Variants in NRG1 observed in about 807,000 individuals in gnomAD.
The protein encoded by NRG1 is neuregulin 1.
NRG1 carries 18 observed loss-of-function variants against 63.8 expected under a neutral mutation model. The ratio of observed to expected loss-of-function variants is 0.28; its 90% CI spans 0.19 to 0.42. The LOEUF is 0.42. Ranked by LOEUF, NRG1 falls within the 10% of genes least tolerant of loss-of-function variation. The pLI is 1.00. For synonymous variants in NRG1, 302 were observed against 301.3 expected, an observed-to-expected ratio of 1.00 and a Z score of -0.02; for missense variants, 762 against 814.7, an observed-to-expected ratio of 0.94 and a Z score of 0.79.
intron 1 of NRG1, among the ~76,000 whole-genome samples, chr8:31,918,136 T>A (rs1051869661): frequency 6.6e-6 from 1 of 152,204 alleles, no homozygotes; most frequent in Non-Finnish European, 1.5e-5. Flanking sequence ...TATACAATCA[T>A]GTCATCTGCA....
intron 1 of NRG1, among the ~76,000 whole-genome samples, chr8:32,098,495 G>T (rs1366277314): frequency 6.6e-6 from 1 of 152,178 alleles, no homozygotes; most frequent in African/African-American, 2.4e-5. Flanking sequence ...CAGGTTTATT[G>T]TTAGTTCTTG....
chr8:32,502,513 C>T (rs1827986149), intron 1 of NRG1, among the ~76,000 whole-genome samples: 1 of 150,116 alleles, frequency 6.7e-6, no homozygotes, highest in South Asian at 2.1e-4. Flanking sequence ...CCAGCGTGGC[C>T]ACACAATGTA....
rs1363000130 is a variant in NRG1 at position 31,715,231 on chromosome 8, T to C, written c.37+75800T>C. On this transcript the variant is annotated intron_variant, in intron 1 of 10. Transcript: ENST00000519301. The stretch of plus-strand genomic sequence containing the variant: ...TTAGAGAATACAAACCTATAAAATA[T>C]GTAATATTAGAGGTGGAAACAAGAC... Among the ~76,000 whole-genome samples, 3 of 152,258 alleles carry C rather than the reference T, an allele frequency of 2.0e-5. No individual in the cohort carries two copies. The East Asian group carries it at 5.8e-4, about 29-fold the overall frequency.
intron 1 of NRG1, among the ~76,000 whole-genome samples, chr8:32,588,346 C>G (rs1329678632): frequency 6.6e-6 from 1 of 152,114 alleles, no homozygotes; most frequent in Non-Finnish European, 1.5e-5. Context: ...CTCATACCCT[C>G]AAATCAAATA....
At chr8:32,431,776 T>C (rs2129486796) in intron 1 of NRG1, among the ~76,000 whole-genome samples, 1 of 152,262 alleles carries the variant, frequency 6.6e-6, no homozygotes, top group Non-Finnish European at 1.5e-5. Context: ...CATTTTGTAA[T>C]TTTTTAATTT....
rs117098201 is a variant in NRG1, at chr8:31,988,058, A to G, written c.37+348627A>G. ...CACTGCCCCAAAGGACACTAACTGT[A>G]ATAGTACTTTGTCCTGACATTTAGG... is the stretch of plus-strand genomic sequence containing the variant. On this transcript the variant is annotated intron_variant, in intron 1 of 10. Coordinates refer to the NRG1 transcript ENST00000519301. Among the ~76,000 whole-genome samples the G allele has an allele frequency of 1.1e-3, 169 of 152,234 alleles. 3 individuals carry two copies. The East Asian group carries it at 0.025, about 22-fold the overall frequency.
chr8:31,984,787 G>T (rs1289503085), intron 1 of NRG1, among the ~76,000 whole-genome samples: 1 of 152,092 alleles, frequency 6.6e-6, no homozygotes, highest in Non-Finnish European at 1.5e-5. Flanking sequence ...CATTGCCCCT[G>T]TGTACCTTTG....
At chr8:31,668,808 T>A (rs910540334) in intron 1 of NRG1, among the ~76,000 whole-genome samples, 1 of 152,172 alleles carries the variant, frequency 6.6e-6, no homozygotes, top group Admixed American at 6.5e-5. Context: ...ATTGAAGGAG[T>A]TAATAAATGA....
At chr8:32,244,271 C>T (rs776231432) in intron 1 of NRG1, among the ~76,000 whole-genome samples, 44 of 152,012 alleles carry the variant, frequency 2.9e-4, no homozygotes, top group Non-Finnish European at 3.4e-4. Context: ...CAGATCATTC[C>T]TTAGGAGCGT....
intron 1 of NRG1, among the ~76,000 whole-genome samples, chr8:32,499,688 A>T (rs1441653353): frequency 1.3e-5 from 2 of 152,100 alleles, no homozygotes; most frequent in Admixed American, 6.6e-5. Flanking sequence ...ATAAATAAAT[A>T]AATAAATAAA....
chr8:32,308,475 T>C (rs913963590), intron 1 of NRG1, among the ~76,000 whole-genome samples: 3 of 152,242 alleles, frequency 2.0e-5, no homozygotes, highest in African/African-American at 7.2e-5. Context: ...CTCATTGTTA[T>C]GTCTTTGTAG....
chr8:31,809,336 A>C (rs1289326310), intron 1 of NRG1, among the ~76,000 whole-genome samples: 3 of 81,504 alleles, frequency 3.7e-5, no homozygotes, highest in Admixed American at 1.5e-4. Flanking sequence ...CTCTCTCTCC[A>C]TATATATATA....
intron 1 of NRG1, among the ~76,000 whole-genome samples, chr8:32,415,614 T>A (rs757483063): frequency 6.6e-6 from 1 of 152,200 alleles, no homozygotes; most frequent in Non-Finnish European, 1.5e-5. Flanking sequence ...TTTTTGAGCA[T>A]GAATGCATAA....
chr8:32,014,283 G>T (rs184429317), intron 1 of NRG1, among the ~76,000 whole-genome samples: 2 of 152,166 alleles, frequency 1.3e-5, no homozygotes, highest in African/African-American at 4.8e-5. Context: ...CTTGTAAGTT[G>T]TATTCCTAGG....
intron 1 of NRG1, among the ~76,000 whole-genome samples, chr8:32,086,084 T>C (rs1479635011): frequency 6.6e-6 from 1 of 152,218 alleles, no homozygotes; most frequent in Non-Finnish European, 1.5e-5. Context: ...TTCTGTGAAG[T>C]AGAAATTATG....
intron 1 of NRG1, among the ~76,000 whole-genome samples, chr8:31,727,989 G>A (rs76699405): frequency 1.3e-5 from 2 of 152,138 alleles, no homozygotes; most frequent in Non-Finnish European, 2.9e-5. Flanking sequence ...GATGATTCAC[G>A]TCCCGGGTAG....
intron 1 of NRG1, among the ~76,000 whole-genome samples, chr8:32,351,534 TATAAG>T (rs1447898328): frequency 1.3e-5 from 2 of 152,142 alleles, no homozygotes; most frequent in Non-Finnish European, 2.9e-5. Context: ...AAAAAGCTCT[TATAAG>T]ATAATAAAGA....
At chr8:32,406,883 G>T (rs1279244323) in intron 1 of NRG1, among the ~76,000 whole-genome samples, 3 of 152,022 alleles carry the variant, frequency 2.0e-5, no homozygotes, top group Non-Finnish European at 4.4e-5. Context: ...AATCCTTGTG[G>T]CCAGGGATCA....
At chr8:31,810,712 A>G (rs1471145415) in intron 1 of NRG1, among the ~76,000 whole-genome samples, 1 of 152,124 alleles carries the variant, frequency 6.6e-6, no homozygotes, top group Non-Finnish European at 1.5e-5. Context: ...TCTTAATAAC[A>G]TGTAACGCTG....
Sources: gnomAD v4.1 joint callset for allele counts (sites outside exome capture counted in the v4.1 genomes callset) on GRCh38, gnomAD v4.1.1 for gene constraint, MANE v1.5 for transcripts, NCBI Gene and HGNC (gene_info 2026-07-23, HGNC 2026-07-21) for gene names.